Variants in BICD1 observed in about 807,000 individuals in gnomAD.
BICD1 encodes the protein BICD cargo adaptor 1, also known as protein bicaudal D homolog 1.
Under a neutral mutation model 92.5 loss-of-function variants are expected in BICD1, and 35 were observed. That is an observed-to-expected ratio of 0.38 (90% CI 0.29 to 0.50). The LOEUF is 0.50. Ranked by LOEUF, BICD1 falls within the 20% of genes least tolerant of loss-of-function variation. BICD1 has a pLI of 0.93. For missense variants in BICD1, 950 were observed against 1,189.8 expected (o/e 0.80, Z 2.97); for synonymous variants, 429 against 465.1 (o/e 0.92, Z 1.00).
chr12:32,307,568 A>G lies in BICD1; in HGVS notation c.1005+1446A>G, dbSNP rs138766683. Among the ~76,000 whole-genome samples, 816 of 152,282 alleles carry G rather than the reference A, an allele frequency of 5.4e-3. 8 individuals carry two copies. The highest frequency in any genetic ancestry group is 0.019 in the African/African-American group (784 of 41,550). ...ATTTGAGGCTTAATCTTCAATCTCA[A>G]TCTTATCTCTCCAAGGTTCTTCATG... is the stretch of plus-strand genomic sequence containing the variant. On this transcript the variant is annotated intron_variant, in intron 4 of 9. Coordinates refer to ENST00000652176, the MANE Select transcript of BICD1 (RefSeq NM_001714.4).
intron 2 of BICD1, among the ~76,000 whole-genome samples, chr12:32,223,661 CTT>C (rs1185614132): frequency 1.3e-5 from 2 of 152,126 alleles, no homozygotes; most frequent in Non-Finnish European, 2.9e-5. Flanking sequence ...TGGAGTAGCA[CTT>C]TTAATTTTCT....
intron 7 of BICD1, chr12:32,338,099 A>G: frequency 3.0e-6 from 1 of 328,718 alleles, no homozygotes; most frequent in Non-Finnish European, 5.7e-6. Context: ...TTGTATGTGT[A>G]AATATGCCTC....
At chr12:32,198,523 A>G (rs547922882) in intron 1 of BICD1, among the ~76,000 whole-genome samples, 1 of 138,720 alleles carries the variant, frequency 7.2e-6, no homozygotes, top group African/African-American at 2.7e-5. Context: ...CTTGCTTGTT[A>G]ATCTGCTTCC....
chr12:32,147,864 T>G (rs1373735261), intron 1 of BICD1, among the ~76,000 whole-genome samples: 1 of 152,110 alleles, frequency 6.6e-6, no homozygotes, highest in Non-Finnish European at 1.5e-5. Flanking sequence ...GTAGGCCAAG[T>G]GCTGTGGCAC....
chr12:32,155,739 A>T (rs1175063265), intron 1 of BICD1, among the ~76,000 whole-genome samples: 3 of 152,242 alleles, frequency 2.0e-5, no homozygotes, highest in African/African-American at 7.2e-5. Flanking sequence ...CATAAAAAAA[A>T]TTGGGAGCAA....
intron 9 of BICD1, among the ~76,000 whole-genome samples, chr12:32,372,437 G>T (rs146873743): frequency 2.6e-5 from 4 of 152,100 alleles, no homozygotes; most frequent in Non-Finnish European, 5.9e-5. Context: ...CCAAGATCAC[G>T]CTTGGACAAC....
At chr12:32,225,641 T>TTTTTTTTTTTTTTTTTTG (rs1945664708) in intron 2 of BICD1, among the ~76,000 whole-genome samples, 1 of 134,300 alleles carries the variant, frequency 7.4e-6, no homozygotes, top group East Asian at 2.1e-4. Context: ...TTTTTTTTTT[T>TTTTTTTTTTTTTTTTTTG]AGACGGAGTT....
intron 1 of BICD1, among the ~76,000 whole-genome samples, chr12:32,157,784 A>G (rs935964974): frequency 1.3e-5 from 2 of 152,048 alleles, no homozygotes; most frequent in Non-Finnish European, 2.9e-5. Context: ...ACCTATTCCC[A>G]TATTTTAAAT....
At chr12:32,375,668 C>G (rs1038193180) in intron 9 of BICD1, among the ~76,000 whole-genome samples, 1 of 152,142 alleles carries the variant, frequency 6.6e-6, no homozygotes, top group Non-Finnish European at 1.5e-5. Flanking sequence ...CAGTACAGAA[C>G]AGCAAAGCTT....
chr12:32,145,943 T>C (rs1461151622), intron 1 of BICD1, among the ~76,000 whole-genome samples: 1 of 152,214 alleles, frequency 6.6e-6, no homozygotes, highest in East Asian at 1.9e-4. Flanking sequence ...ATCTACTATA[T>C]GTGAGGCACT....
rs77086891 is a variant in BICD1, at chr12:32,336,389, A to G, written c.2253-1110A>G. Among the ~76,000 whole-genome samples the G allele has an allele frequency of 1.7e-3, 260 of 152,328 alleles. 5 individuals carry two copies. In the East Asian group the frequency reaches 0.037, roughly 21 times the overall value. On this transcript the variant is annotated intron_variant, in intron 6 of 9. Transcript: ENST00000652176. The stretch of plus-strand genomic sequence containing the variant: ...TGAAACCTGAATAAAGATGTTTCGG[A>G]CAGCCTGCTGTATCTGTATGAAACC...
chr12:32,146,719 G>T (rs1318165145), intron 1 of BICD1, among the ~76,000 whole-genome samples: 1 of 152,120 alleles, frequency 6.6e-6, no homozygotes, highest in Non-Finnish European at 1.5e-5. Context: ...GAGCAGTGAT[G>T]AGGAGGATTA....
intron 1 of BICD1, among the ~76,000 whole-genome samples, chr12:32,121,086 A>G (rs1235433305): frequency 6.7e-6 from 1 of 150,130 alleles, no homozygotes; most frequent in Non-Finnish European, 1.5e-5. Flanking sequence ...CTCCTGCCTC[A>G]GCCTCCCGAG....
intron 4 of BICD1, among the ~76,000 whole-genome samples, chr12:32,307,879 G>GT (rs1424183037): frequency 2.6e-5 from 4 of 152,184 alleles, no homozygotes; most frequent in Non-Finnish European, 5.9e-5. Flanking sequence ...AGTTTTATGA[G>GT]TTTTGTTTAA....
chr12:32,240,190 G>T (rs1044414056), intron 2 of BICD1, among the ~76,000 whole-genome samples: 3 of 152,090 alleles, frequency 2.0e-5, no homozygotes, highest in African/African-American at 7.2e-5. Flanking sequence ...GATTCCCCAA[G>T]GACCAATTTT....
At chr12:32,133,172 T>C (rs1942614219) in intron 1 of BICD1, among the ~76,000 whole-genome samples, 1 of 152,106 alleles carries the variant, frequency 6.6e-6, no homozygotes, top group Admixed American at 6.6e-5. Flanking sequence ...ATATTGATAC[T>C]TTGTCTGAAA....
At chr12:32,317,847 C>T (rs1333217879) in intron 4 of BICD1, among the ~76,000 whole-genome samples, 2 of 151,718 alleles carry the variant, frequency 1.3e-5, no homozygotes, top group Non-Finnish European at 1.5e-5. Context: ...GGTTTTAGGT[C>T]TAACATTTAA....
chr12:32,334,173 T>C (rs2291421), intron 5 of BICD1, among the ~76,000 whole-genome samples: 36,878 of 152,030 alleles, frequency 0.24, 4,924 homozygotes, highest in East Asian at 0.6. Context: ...ATTTTTTTTG[T>C]ATAAAGTTTC....
intron 4 of BICD1, among the ~76,000 whole-genome samples, chr12:32,318,864 T>A (rs73295829): frequency 0.021 from 3,198 of 152,126 alleles, 94 homozygotes; most frequent in African/African-American, 0.071. Context: ...GAAAAAAAAA[T>A]TTTATTCTGA....
Sources: gnomAD v4.1 joint callset for allele counts (sites outside exome capture counted in the v4.1 genomes callset) on GRCh38, gnomAD v4.1.1 for gene constraint, MANE v1.5 for transcripts, NCBI Gene and HGNC (gene_info 2026-07-23, HGNC 2026-07-21) for gene names.